The following OR14A2 variants were observed in gnomAD, a reference collection of about 807,000 sequenced individuals.
OR14A2 encodes the protein olfactory receptor family 14 subfamily A member 2.
For missense variants in OR14A2, 237 were observed against 152.9 expected, an observed-to-expected ratio of 1.55 and a Z score of -2.90; for synonymous variants, 114 against 58.6, an observed-to-expected ratio of 1.95 and a Z score of -4.32.
chr1:247,747,487 G>A, the OR14A2 span, among the ~76,000 whole-genome samples: 2 of 150,682 alleles, frequency 1.3e-5, no homozygotes, highest in South Asian at 4.2e-4. Flanking sequence ...TCAGCCTCCC[G>A]AGTAGCTGGA....
At chr1:247,739,862 AC>A in the OR14A2 span, among the ~76,000 whole-genome samples, 2 of 152,046 alleles carry the variant, frequency 1.3e-5, no homozygotes, top group Admixed American at 1.3e-4. Context: ...GGTGTATGCA[AC>A]CACGCCCAGC....
At chr1:247,730,349 A>C in the OR14A2 span, among the ~76,000 whole-genome samples, 1 of 152,100 alleles carries the variant, frequency 6.6e-6, no homozygotes, top group Non-Finnish European at 1.5e-5. Context: ...TCTACCCTGC[A>C]TAACTGCACC....
chr1:247,737,187 T>G, the OR14A2 span, among the ~76,000 whole-genome samples: 1 of 152,140 alleles, frequency 6.6e-6, no homozygotes, highest in South Asian at 2.1e-4. Context: ...GAGGTACGAC[T>G]GCTCATCCTG....
upstream of OR14A2, among the ~76,000 whole-genome samples, chr1:247,728,801 A>T (rs1051380519): frequency 1.1e-4 from 16 of 151,672 alleles, no homozygotes; most frequent in African/African-American, 2.2e-4. Flanking sequence ...TACTCATCAG[A>T]TGTCCTTAAG....
the OR14A2 span, among the ~76,000 whole-genome samples, chr1:247,730,224 G>A: frequency 6.6e-6 from 1 of 152,096 alleles, no homozygotes; most frequent in African/African-American, 2.4e-5. Flanking sequence ...TTCACAGCAG[G>A]CTGTGACAGT....
At chr1:247,734,377 C>A in the OR14A2 span, among the ~76,000 whole-genome samples, 4 of 152,310 alleles carry the variant, frequency 2.6e-5, no homozygotes, top group Middle Eastern at 3.4e-3. Flanking sequence ...CACCCACTCA[C>A]AGACGACGTG....
chr1:247,743,867 A>T, the OR14A2 span, among the ~76,000 whole-genome samples: 21 of 152,088 alleles, frequency 1.4e-4, no homozygotes, highest in African/African-American at 2.2e-4. Flanking sequence ...TGTTTCATTG[A>T]AGGTTTATTT....
chr1:247,729,714 C>T, the OR14A2 span, among the ~76,000 whole-genome samples: 1 of 151,896 alleles, frequency 6.6e-6, no homozygotes, highest in Non-Finnish European at 1.5e-5. Flanking sequence ...ATATGCTTCT[C>T]CAAAGTAAAA....
At chr1:247,728,946 T>G (rs990679380), upstream of OR14A2, among the ~76,000 whole-genome samples, 2 of 152,104 alleles carry the variant, frequency 1.3e-5, no homozygotes, top group Non-Finnish European at 2.9e-5. Flanking sequence ...ACATAGCACA[T>G]GGTTCCATCT....
the OR14A2 span, among the ~76,000 whole-genome samples, chr1:247,729,351 C>T: frequency 2.0e-5 from 3 of 152,012 alleles, no homozygotes; most frequent in African/African-American, 7.2e-5. Flanking sequence ...CTCAAGTATT[C>T]CCTTAATTCT....
At chr1:247,734,430 A>G in the OR14A2 span, among the ~76,000 whole-genome samples, 1 of 152,198 alleles carries the variant, frequency 6.6e-6, no homozygotes, top group Non-Finnish European at 1.5e-5. Context: ...GGCAGCCTAA[A>G]CAAACAAATA....
At chr1:247,728,598 A>G (rs570653237), upstream of OR14A2, among the ~76,000 whole-genome samples, 7 of 152,220 alleles carry the variant, frequency 4.6e-5, no homozygotes, top group South Asian at 1.4e-3. Flanking sequence ...AGAAGGAAAT[A>G]AAGGGTATTC....
chr1:247,746,305 A>C, the OR14A2 span: 1 of 152,190 alleles, frequency 6.6e-6, no homozygotes, highest in African/African-American at 2.4e-5. Flanking sequence ...ATTAGCTCGA[A>C]GCCCACAATA....
At chr1:247,736,175 C>G in the OR14A2 span, among the ~76,000 whole-genome samples, 180 of 144,932 alleles carry the variant, frequency 1.2e-3, no homozygotes, top group African/African-American at 4.7e-3. Context: ...CCTCCCCTCT[C>G]CTCTCCTCTC....
the OR14A2 span, among the ~76,000 whole-genome samples, chr1:247,742,470 G>A: frequency 9.4e-5 from 14 of 149,222 alleles, no homozygotes; most frequent in African/African-American, 2.5e-4. Flanking sequence ...ACACACACAC[G>A]CACACACACA....
exon 1 of OR14A2, chr1:247,723,998 A>G (rs1322798977): frequency 2.8e-6 from 2 of 715,772 alleles, no homozygotes; most frequent in African/African-American, 3.5e-5. Context: ...TGGATATTAG[A>G]AAACCCCATA....
At chr1:247,742,485 A>G in the OR14A2 span, among the ~76,000 whole-genome samples, 2 of 152,086 alleles carry the variant, frequency 1.3e-5, no homozygotes, top group African/African-American at 2.4e-5. Flanking sequence ...CACACACACC[A>G]TGAAGTGGAG....
the OR14A2 span, chr1:247,738,549 A>G: frequency 2.9e-6 from 2 of 685,108 alleles, no homozygotes; most frequent in African/African-American, 1.8e-5. Flanking sequence ...GAAACAAATG[A>G]TACTTTTTAA....
the OR14A2 span, among the ~76,000 whole-genome samples, chr1:247,730,793 A>G: frequency 6.6e-6 from 1 of 152,094 alleles, no homozygotes; most frequent in African/African-American, 2.4e-5. Context: ...TTGCTATCCC[A>G]GCCCAAGAAG....
Sources: allele counts gnomAD v4.1 joint callset (sites outside exome capture counted in the v4.1 genomes callset), GRCh38; gene constraint gnomAD v4.1.1; transcripts MANE v1.5; gene names NCBI Gene and HGNC (gene_info 2026-07-23, HGNC 2026-07-21).